The following UGGT2 variants were observed in gnomAD, a reference collection of about 807,000 sequenced individuals.
UGGT2 encodes UDP-glucose:glycoprotein glucosyltransferase 2.
A neutral mutation model predicts 192.1 loss-of-function variants in UGGT2; 180 were observed. That is an observed-to-expected ratio of 0.94 (90% confidence interval 0.83 to 1.06). UGGT2 has a LOEUF of 1.06. Ranked by LOEUF, UGGT2 falls within the 50% of genes least tolerant of loss-of-function variation. The probability of loss-of-function intolerance (pLI) is 0.00; values close to 1 mark genes in which losing one functional copy is unlikely to be tolerated. For synonymous variants in UGGT2, 580 were observed against 591.0 expected, an observed-to-expected ratio of 0.98 and a Z score of 0.27; for missense variants, 1,849 against 1,795.7, an observed-to-expected ratio of 1.03 and a Z score of -0.54.
intron 38 of UGGT2, among the ~76,000 whole-genome samples, chr13:95,827,156 C>T (rs766148051): frequency 9.2e-5 from 14 of 152,178 alleles, no homozygotes; most frequent in East Asian, 3.9e-4. Context: ...ACAAGAACAG[C>T]GGAAGAAATA....
chr13:95,989,326 T>C (rs2051388441), intron 8 of UGGT2, among the ~76,000 whole-genome samples: 1 of 152,286 alleles, frequency 6.6e-6, no homozygotes, highest in Admixed American at 6.5e-5. Context: ...ATTAAGCTGT[T>C]ATATTTTTAA....
At chr13:95,910,167 G>C (rs566206300) in intron 20 of UGGT2, among the ~76,000 whole-genome samples, 1 of 152,318 alleles carries the variant, frequency 6.6e-6, no homozygotes, top group South Asian at 2.1e-4. Context: ...TTGGTGCTAT[G>C]AAGAAACTGC....
chr13:96,047,938 G>C lies in UGGT2; in HGVS notation c.158+5217C>G, dbSNP rs1222921390. ...ATTAGACAGATCAACGAGACAGAAA[G>C]TTAACAAGGATATCCAGGAATTGAA... is the stretch of plus-strand genomic sequence containing the variant. On this transcript the variant is annotated intron_variant, in intron 1 of 38. Coordinates refer to ENST00000376747, the MANE Select transcript of UGGT2 (RefSeq NM_020121.4). Among the ~76,000 whole-genome samples, 7 of 151,970 alleles carry C rather than the reference G, an allele frequency of 4.6e-5. No individual in the cohort carries two copies. The East Asian group carries it at 1.3e-3, about 29-fold the overall frequency.
intron 1 of UGGT2, among the ~76,000 whole-genome samples, chr13:96,039,534 A>T (rs1384346522): frequency 6.6e-6 from 1 of 152,212 alleles, no homozygotes; most frequent in Admixed American, 6.5e-5. Flanking sequence ...TCTCCAGAGC[A>T]CACATTCCCA....
intron 17 of UGGT2, among the ~76,000 whole-genome samples, chr13:95,932,431 T>G (rs775938010): frequency 1.8e-4 from 27 of 151,888 alleles, no homozygotes; most frequent in Non-Finnish European, 3.4e-4. Context: ...TGCTACTGAT[T>G]GCTGTGCATT....
chr13:95,962,413 G>A (rs991907910), intron 12 of UGGT2, among the ~76,000 whole-genome samples: 2 of 151,982 alleles, frequency 1.3e-5, no homozygotes, highest in African/African-American at 4.8e-5. Context: ...GACTATTATA[G>A]AAAACTATAC....
chr13:95,818,662 A>AG (rs1456748656), intron 38 of UGGT2, among the ~76,000 whole-genome samples: 1 of 152,152 alleles, frequency 6.6e-6, no homozygotes. Context: ...AGTGCCTGTG[A>AG]GTGTGATGTA....
chr13:95,820,233 A>G (rs1885366817), intron 38 of UGGT2, among the ~76,000 whole-genome samples: 1 of 152,196 alleles, frequency 6.6e-6, no homozygotes, highest in Non-Finnish European at 1.5e-5. Context: ...GAATATATCC[A>G]ATATAAATCT....
chr13:95,985,113 A>G, intron 9 of UGGT2: 1 of 364,524 alleles, frequency 2.7e-6, no homozygotes, highest in Admixed American at 4.5e-5. Flanking sequence ...CTTAGCATCA[A>G]TAGAGCTAAT....
intron 7 of UGGT2, chr13:95,990,832 G>A (rs933591293): frequency 6.6e-6 from 1 of 152,110 alleles, no homozygotes; most frequent in East Asian, 1.9e-4. Flanking sequence ...CCATCAACCC[G>A]TTATCCACAT....
At chr13:95,867,253 G>A (rs889653716) in intron 30 of UGGT2, 86 bp downstream of exon 30, 9 of 1,179,254 alleles carry the variant, frequency 7.6e-6, no homozygotes, top group Non-Finnish European at 1.1e-5. Context: ...AAAGTTAATT[G>A]TAAAATAAAT....
intron 38 of UGGT2, among the ~76,000 whole-genome samples, chr13:95,821,296 G>A (rs1566545027): frequency 6.6e-6 from 1 of 152,080 alleles, no homozygotes; most frequent in South Asian, 2.1e-4. Flanking sequence ...CAGGAGTAAG[G>A]TGGTATCTCA....
intron 5 of UGGT2, among the ~76,000 whole-genome samples, chr13:96,009,524 C>T (rs959928039): frequency 3.3e-5 from 5 of 152,106 alleles, no homozygotes; most frequent in Admixed American, 2.0e-4. Context: ...AAAAAGTGAG[C>T]GAAGGCTGGA....
intron 31 of UGGT2, 171 bp downstream of exon 31, chr13:95,863,458 T>TA: frequency 1.8e-6 from 1 of 568,260 alleles, no homozygotes; most frequent in Non-Finnish European, 3.1e-6. Context: ...TCATCTGTCT[T>TA]ATAGCTCTAG....
At chr13:95,998,670 T>C (rs1356226021) in intron 6 of UGGT2, among the ~76,000 whole-genome samples, 1 of 152,174 alleles carries the variant, frequency 6.6e-6, no homozygotes, top group Non-Finnish European at 1.5e-5. Context: ...TCTCTTCATC[T>C]AGAGTATGCA....
chr13:95,884,953 C>G (rs932123699), intron 26 of UGGT2, among the ~76,000 whole-genome samples: 1 of 152,160 alleles, frequency 6.6e-6, no homozygotes, highest in South Asian at 2.1e-4. Flanking sequence ...CTGACTTATG[C>G]AGGTTCTAGG....
At chr13:95,824,936 C>A (rs1351977160) in intron 38 of UGGT2, among the ~76,000 whole-genome samples, 1 of 151,996 alleles carries the variant, frequency 6.6e-6, no homozygotes, top group Non-Finnish European at 1.5e-5. Context: ...TTTTATTTGA[C>A]AGCATTTTTA....
chr13:96,023,668 A>G lies in UGGT2; in HGVS notation c.333T>C (p.Ser111=), dbSNP rs769569138. ...GAATAGCTGGGGAGTATGCCCTTATAGAGAAAGCAAACTTTAAAAGGTTGA... is the reference window on the plus strand; with the variant it reads ...GAATAGCTGGGGAGTATGCCCTTATGGAGAAAGCAAACTTTAAAAGGTTGA... The part of the protein sequence containing the change: ...LHINLLKFAF[S]IRAYSPAIQM... The change falls in exon 3 of 39, where the codon TCT becomes TCC. Residue 111 remains serine, a synonymous_variant. Transcript: ENST00000376747. The G allele has an allele frequency of 2.5e-6, 4 of 1,612,250 alleles. No individual in the cohort carries two copies. The highest frequency in any genetic ancestry group is 1.7e-4 in the Middle Eastern group (1 of 6,042).
Position 96,031,826 on chromosome 13 carries a change from T to C in UGGT2, c.241+63A>G, listed in dbSNP as rs2052844136. The C allele has an allele frequency of 7.1e-6, 9 of 1,261,624 alleles. No individual in the cohort carries two copies. The South Asian group carries it at 1.0e-4, about 14-fold the overall frequency. 78.2% of individuals were successfully genotyped at this position (1,261,624 alleles called of 1,614,324 possible). A position where few individuals can be genotyped will look rare whatever the true frequency, so the allele number is the denominator to read the frequency against. The stretch of plus-strand genomic sequence containing the variant: ...CTTAACCATTACCATTAAAAAATAA[T>C]AAACATTACAATGTGTGTACATAAA... On this transcript the variant is annotated intron_variant, in intron 2 of 38. Coordinates refer to ENST00000376747, the MANE Select transcript of UGGT2 (RefSeq NM_020121.4).
Sources: allele counts gnomAD v4.1 joint callset (sites outside exome capture counted in the v4.1 genomes callset), GRCh38; gene constraint gnomAD v4.1.1; transcripts MANE v1.5; gene names NCBI Gene and HGNC (gene_info 2026-07-23, HGNC 2026-07-21).